The following LUZP2 variants were observed in gnomAD, a reference collection of about 807,000 sequenced individuals.
LUZP2 encodes the protein leucine zipper protein 2.
A neutral mutation model predicts 51.6 loss-of-function variants in LUZP2; 52 were observed. That is an observed-to-expected ratio of 1.01 (90% CI 0.81 to 1.27). The LOEUF (loss-of-function observed/expected upper bound fraction) is 1.27, where lower values mean the gene tolerates loss of function less well. Among genes scored for constraint, LUZP2 ranks in the 50% most tolerant of loss-of-function variants. The pLI is 0.00. For missense variants in LUZP2, 436 were observed against 395.4 expected (o/e 1.10, Z -0.87); for synonymous variants, 154 against 137.3 (o/e 1.12, Z -0.85).
At chr11:24,949,826 T>C (rs1340749805) in intron 7 of LUZP2, among the ~76,000 whole-genome samples, 1 of 151,484 alleles carries the variant, frequency 6.6e-6, no homozygotes, top group East Asian at 1.9e-4. Flanking sequence ...TGATCAGAAC[T>C]CTTTGAAATT....
At chr11:24,595,122 T>A (rs1332432064) in intron 1 of LUZP2, among the ~76,000 whole-genome samples, 1 of 151,338 alleles carries the variant, frequency 6.6e-6, no homozygotes, top group Non-Finnish European at 1.5e-5. Context: ...CTTCTCAAAT[T>A]CTTACACAGA....
At chr11:24,800,120 C>G (rs748229254) in intron 5 of LUZP2, among the ~76,000 whole-genome samples, 1 of 152,048 alleles carries the variant, frequency 6.6e-6, no homozygotes. Flanking sequence ...CCCGCCCCCA[C>G]CCTTGTTTTT....
At chr11:24,977,384 C>T (rs1160396110) in intron 8 of LUZP2, among the ~76,000 whole-genome samples, 2 of 151,226 alleles carry the variant, frequency 1.3e-5, no homozygotes, top group African/African-American at 4.8e-5. Context: ...AAATTACATA[C>T]AATGTAAAAA....
At chr11:24,662,153 T>A (rs1012154911) in intron 1 of LUZP2, among the ~76,000 whole-genome samples, 1 of 152,056 alleles carries the variant, frequency 6.6e-6, no homozygotes, top group African/African-American at 2.4e-5. Flanking sequence ...AGCATCAACA[T>A]GATAAACCAA....
At chr11:24,946,070 A>G (rs1018638464) in intron 7 of LUZP2, among the ~76,000 whole-genome samples, 1 of 151,988 alleles carries the variant, frequency 6.6e-6, no homozygotes, top group Admixed American at 6.6e-5. Flanking sequence ...AACATACAAT[A>G]TTGGTATTTT....
At chr11:24,667,271 C>T (rs535432256) in intron 1 of LUZP2, among the ~76,000 whole-genome samples, 7 of 151,242 alleles carry the variant, frequency 4.6e-5, no homozygotes, top group African/African-American at 1.5e-4. Context: ...GCAACCTCCA[C>T]CTCCCGGATT....
At chr11:24,962,657 T>C (rs1296943171) in intron 7 of LUZP2, among the ~76,000 whole-genome samples, 3 of 152,216 alleles carry the variant, frequency 2.0e-5, no homozygotes, top group Non-Finnish European at 4.4e-5. Context: ...ATTCTAGTTA[T>C]ACATTCGTGT....
chr11:24,797,925 T>C (rs1294002789), intron 5 of LUZP2, among the ~76,000 whole-genome samples: 1 of 152,112 alleles, frequency 6.6e-6, no homozygotes, highest in Non-Finnish European at 1.5e-5. Flanking sequence ...CTTCACTATT[T>C]GTGAGAGAAA....
chr11:25,063,704 C>T (rs1345020683), intron 10 of LUZP2, among the ~76,000 whole-genome samples: 2 of 26,742 alleles, frequency 7.5e-5, no homozygotes, highest in African/African-American at 1.0e-4. Context: ...GAATGGACCA[C>T]ATTAATCATT....
chr11:24,571,323 T>A (rs1852436338), intron 1 of LUZP2, among the ~76,000 whole-genome samples: 1 of 152,138 alleles, frequency 6.6e-6, no homozygotes, highest in African/African-American at 2.4e-5. Flanking sequence ...TGTGTCCTTG[T>A]GCTCCTTGTC....
intron 9 of LUZP2, among the ~76,000 whole-genome samples, chr11:25,014,856 T>A (rs913837033): frequency 7.1e-6 from 1 of 141,474 alleles, no homozygotes; most frequent in Non-Finnish European, 1.6e-5. Context: ...ATTGCCTAGA[T>A]TTTCTTCTAG....
Position 24,790,210 on chromosome 11 carries a change from C to T in LUZP2, c.396+26902C>T, listed in dbSNP as rs116296316. 1.3e-3 allele frequency among the ~76,000 whole-genome samples: 194 copies of T among 152,176 alleles called. 1 individual carries two copies. The highest frequency in any genetic ancestry group is 4.4e-3 in the African/African-American group (181 of 41,532). ...CTGCCTTTTTTTGTGTTCCTTTTTA[C>T]AGTAAAATGCTTTGAAATACAGTAT... On this transcript the variant is annotated intron_variant, in intron 5 of 11. Transcript: ENST00000336930.
At chr11:24,599,473 T>C (rs757403280) in intron 1 of LUZP2, among the ~76,000 whole-genome samples, 12 of 152,178 alleles carry the variant, frequency 7.9e-5, no homozygotes, top group Admixed American at 2.6e-4. Flanking sequence ...TTATTTGCAA[T>C]TGACAACCCT....
chr11:24,926,455 G>GTA (rs1194719677), intron 7 of LUZP2, among the ~76,000 whole-genome samples: 5 of 136,314 alleles, frequency 3.7e-5, no homozygotes, highest in Non-Finnish European at 4.8e-5. Flanking sequence ...ATATGTGTGT[G>GTA]TATATATATA....
At chr11:25,054,925 C>T (rs1265734960) in intron 10 of LUZP2, among the ~76,000 whole-genome samples, 3 of 135,348 alleles carry the variant, frequency 2.2e-5, no homozygotes, top group Non-Finnish European at 4.7e-5. Context: ...AATAATAAGA[C>T]CAAAACATTG....
intron 1 of LUZP2, among the ~76,000 whole-genome samples, chr11:24,542,149 A>G (rs1178816060): frequency 6.6e-6 from 1 of 152,110 alleles, no homozygotes; most frequent in Non-Finnish European, 1.5e-5. Flanking sequence ...CTGAACATAA[A>G]TTAAAATTAA....
intron 8 of LUZP2, among the ~76,000 whole-genome samples, chr11:24,980,671 A>G (rs1432859394): frequency 2.0e-5 from 3 of 151,818 alleles, no homozygotes; most frequent in Admixed American, 1.3e-4. Flanking sequence ...TAAATAAGAT[A>G]TAAAGGTAGA....
intron 1 of LUZP2, among the ~76,000 whole-genome samples, chr11:24,505,453 T>A (rs7116568): frequency 6.6e-6 from 1 of 152,158 alleles, no homozygotes; most frequent in Admixed American, 6.6e-5. Flanking sequence ...GCCTCTCTCA[T>A]AGATATGTCA....
chr11:24,844,634 C>T (rs1258106987), intron 5 of LUZP2, among the ~76,000 whole-genome samples: 1 of 152,098 alleles, frequency 6.6e-6, no homozygotes, highest in African/African-American at 2.4e-5. Context: ...CAGCCCATCC[C>T]ATCACAGGCC....
Sources: allele counts gnomAD v4.1 joint callset (sites outside exome capture counted in the v4.1 genomes callset), GRCh38; gene constraint gnomAD v4.1.1; transcripts MANE v1.5; gene names NCBI Gene and HGNC (gene_info 2026-07-23, HGNC 2026-07-21).